The following CTNNA2 variants were observed in gnomAD, a reference collection of about 807,000 sequenced individuals.
CTNNA2 encodes catenin alpha 2, also known as catenin alpha-2.
Under a neutral mutation model 101.0 loss-of-function variants are expected in CTNNA2, and 42 were observed. That is an observed-to-expected ratio of 0.42 (90% confidence interval 0.32 to 0.54). The LOEUF (loss-of-function observed/expected upper bound fraction) is 0.54, where lower values mean the gene tolerates loss of function less well. Ranked by LOEUF, CTNNA2 falls within the 20% of genes least tolerant of loss-of-function variation. CTNNA2 has a pLI of 0.14. For synonymous variants in CTNNA2, 450 were observed against 456.4 expected, an observed-to-expected ratio of 0.99 and a Z score of 0.18; for missense variants, 871 against 1,223.1, an observed-to-expected ratio of 0.71 and a Z score of 4.29.
intron 4 of CTNNA2, among the ~76,000 whole-genome samples, chr2:79,387,994 T>G (rs1383670793): frequency 6.6e-6 from 1 of 152,136 alleles, no homozygotes; most frequent in Non-Finnish European, 1.5e-5. Flanking sequence ...CCCTGCATCT[T>G]GAAGCATGGA....
At chr2:79,568,601 A>C (rs1309363714) in intron 1 of CTNNA2, among the ~76,000 whole-genome samples, 1 of 152,188 alleles carries the variant, frequency 6.6e-6, no homozygotes. Context: ...CCTCTCAAAA[A>C]AAGAAAAGTA....
intron 2 of CTNNA2, among the ~76,000 whole-genome samples, chr2:79,224,755 CA>C (rs2104227772): frequency 6.6e-6 from 1 of 151,644 alleles, no homozygotes; most frequent in Admixed American, 6.6e-5. Context: ...TCTCCACCAC[CA>C]TCTCCCAGAG....
At chr2:79,521,922 A>G (rs1467522566) in intron 1 of CTNNA2, among the ~76,000 whole-genome samples, 1 of 152,100 alleles carries the variant, frequency 6.6e-6, no homozygotes, top group African/African-American at 2.4e-5. Flanking sequence ...ACAAATAGTG[A>G]CAAGCAAAGC....
intron 2 of CTNNA2, among the ~76,000 whole-genome samples, chr2:79,257,822 G>T (rs1674868471): frequency 6.6e-6 from 1 of 151,400 alleles, no homozygotes; most frequent in Non-Finnish European, 1.5e-5. Context: ...AAAAGAAGAA[G>T]AAATTTATTG....
chr2:80,313,683 G>A (rs1281860871), intron 7 of CTNNA2: 2 of 1,550,782 alleles, frequency 1.3e-6, no homozygotes, highest in Non-Finnish European at 8.8e-7. Flanking sequence ...TAAGAAAGGA[G>A]TGTGAATTTA....
At chr2:79,605,440 G>C (rs1367354277) in intron 1 of CTNNA2, among the ~76,000 whole-genome samples, 2 of 152,054 alleles carry the variant, frequency 1.3e-5, no homozygotes, top group Non-Finnish European at 1.5e-5. Flanking sequence ...GGAGATCAAA[G>C]AAGTGAAACA....
At chr2:80,396,375 C>T (rs1678014474) in intron 8 of CTNNA2, among the ~76,000 whole-genome samples, 1 of 152,152 alleles carries the variant, frequency 6.6e-6, no homozygotes, top group Admixed American at 6.5e-5. Context: ...TGATAACTGC[C>T]AGCTTTAAGC....
chr2:80,476,915 G>A (rs1034673078), intron 9 of CTNNA2, among the ~76,000 whole-genome samples: 1 of 152,164 alleles, frequency 6.6e-6, no homozygotes, highest in East Asian at 1.9e-4. Flanking sequence ...ATTCATAGGA[G>A]AGAGATGATT....
intron 16 of CTNNA2, 64 bp downstream of exon 16, chr2:80,604,243 T>C (rs1456069468): frequency 7.7e-7 from 1 of 1,304,004 alleles, no homozygotes; most frequent in African/African-American, 1.5e-5. Context: ...TTGGGTTTTG[T>C]AACTAGTTTT....
chr2:79,890,520 C>A (rs1684227059), intron 6 of CTNNA2, among the ~76,000 whole-genome samples: 1 of 152,026 alleles, frequency 6.6e-6, no homozygotes, highest in South Asian at 2.1e-4. Context: ...CATTATTTCT[C>A]CATCCATCTG....
intron 2 of CTNNA2, among the ~76,000 whole-genome samples, chr2:79,278,569 C>T (rs1156848404): frequency 6.6e-6 from 1 of 151,960 alleles, no homozygotes; most frequent in Non-Finnish European, 1.5e-5. Context: ...TTACATTATG[C>T]AAATTGAAAA....
intron 17 of CTNNA2, among the ~76,000 whole-genome samples, chr2:80,609,485 T>G (rs1157934618): frequency 6.6e-6 from 1 of 151,658 alleles, no homozygotes; most frequent in Non-Finnish European, 1.5e-5. Flanking sequence ...GTCACCTCTT[T>G]GCATTTCCAA....
chr2:79,544,385 C>CTTTCT (rs914268802), intron 1 of CTNNA2, among the ~76,000 whole-genome samples: 4 of 152,214 alleles, frequency 2.6e-5, no homozygotes, highest in Non-Finnish European at 4.4e-5. Flanking sequence ...ATGAACATGG[C>CTTTCT]TTTCTTTTCT....
chr2:79,598,840 T>C (rs1182292690), intron 1 of CTNNA2, among the ~76,000 whole-genome samples: 1 of 152,244 alleles, frequency 6.6e-6, no homozygotes, highest in African/African-American at 2.4e-5. Context: ...ATTTCTTTCA[T>C]GGATCATGCC....
chr2:79,389,337 A>T (rs1173921320), intron 4 of CTNNA2, among the ~76,000 whole-genome samples: 1 of 152,180 alleles, frequency 6.6e-6, no homozygotes, highest in Non-Finnish European at 1.5e-5. Context: ...TGTCAAGCAG[A>T]CATCAGTCAC....
At chr2:80,307,353 G>A (rs1320168942) in intron 7 of CTNNA2, among the ~76,000 whole-genome samples, 2 of 151,860 alleles carry the variant, frequency 1.3e-5, no homozygotes, top group African/African-American at 4.8e-5. Flanking sequence ...AACATGAATC[G>A]AGTGTTTCAG....
At chr2:79,763,998 T>C (rs1017540571) in intron 3 of CTNNA2, among the ~76,000 whole-genome samples, 1 of 152,178 alleles carries the variant, frequency 6.6e-6, no homozygotes, top group African/African-American at 2.4e-5. Context: ...CCTCCCTGCA[T>C]GAAGAACGGG....
At chr2:79,901,260 G>C (rs1685054001) in intron 6 of CTNNA2, among the ~76,000 whole-genome samples, 1 of 150,866 alleles carries the variant, frequency 6.6e-6, no homozygotes, top group African/African-American at 2.4e-5. Flanking sequence ...TGACTGCATA[G>C]AGGCATGTTG....
At chr2:79,320,327 C>T (rs1676590690) in intron 3 of CTNNA2, among the ~76,000 whole-genome samples, 1 of 138,624 alleles carries the variant, frequency 7.2e-6, no homozygotes, top group South Asian at 2.3e-4. Context: ...AAGTGGAGGA[C>T]TTGTGACAGG....
Sources: allele counts gnomAD v4.1 joint callset (sites outside exome capture counted in the v4.1 genomes callset), GRCh38; gene constraint gnomAD v4.1.1; transcripts MANE v1.5; gene names NCBI Gene and HGNC (gene_info 2026-07-23, HGNC 2026-07-21).